PFKP: variants seen among roughly 807,000 people sequenced by gnomAD.
PFKP encodes the protein ATP-dependent 6-phosphofructokinase, platelet type.
Under a neutral mutation model 94.3 loss-of-function variants are expected in PFKP, and 101 were observed. The observed-to-expected ratio is 1.07, with a 90% confidence interval of 0.91 to 1.26. The LOEUF is 1.26. PFKP is among the 50% of genes most tolerant of loss of function. The pLI is 0.00. For synonymous variants in PFKP, 573 were observed against 432.6 expected, an observed-to-expected ratio of 1.32 and a Z score of -4.03; for missense variants, 1,145 against 1,103.3, an observed-to-expected ratio of 1.04 and a Z score of -0.53.
At chr10:3,090,539 C>A (rs1474470774) in intron 2 of PFKP, among the ~76,000 whole-genome samples, 3 of 152,128 alleles carry the variant, frequency 2.0e-5, no homozygotes, top group African/African-American at 4.8e-5. Flanking sequence ...GATGGCTCTG[C>A]ACTGAAGAGG....
rs1220111666 is a variant in PFKP, at chr10:3,121,802, TC to T, written c.1683+1759del. ...CTAGGTTAAACAATTTCTTTTTTTTTCTTTTTTTTTTTTTTTTTTTTTTTTT... is the reference window on the plus strand; with the variant it reads ...CTAGGTTAAACAATTTCTTTTTTTTTTTTTTTTTTTTTTTTTTTTTTTTTT... On this transcript the variant is annotated intron_variant, in intron 16 of 21. Coordinates refer to ENST00000381125, the MANE Select transcript of PFKP (RefSeq NM_002627.5). 4.5e-4 allele frequency among the ~76,000 whole-genome samples: 21 copies of T among 46,748 alleles called. 2 individuals are homozygous for T. Among genetic ancestry groups the T allele is most frequent in the East Asian group, 1.6e-3 (2 of 1,270 alleles). 30.7% of individuals were successfully genotyped at this position (46,748 alleles called of 152,430 possible). A position where few individuals can be genotyped will look rare whatever the true frequency, so the allele number is the denominator to read the frequency against.
At chr10:3,072,640 G>A (rs1040797582) in intron 1 of PFKP, among the ~76,000 whole-genome samples, 2 of 151,942 alleles carry the variant, frequency 1.3e-5, no homozygotes, top group Non-Finnish European at 2.9e-5. Flanking sequence ...ATGACCCTTC[G>A]AAGCTAGACA....
rs777476696 is a variant in PFKP at position 3,100,074 on chromosome 10, TGTGTGTGTGTGA to T, written c.264+723_264+734del. Among the ~76,000 whole-genome samples, 562 of 150,972 alleles carry T rather than the reference TGTGTGTGTGTGA, an allele frequency of 3.7e-3. 1 individual carries two copies. Among genetic ancestry groups the T allele is most frequent in the Middle Eastern group, 6.8e-3 (2 of 294 alleles). Reference sequence around the variant, plus strand: ...GGTGTGTGGTGTGTGTGTGTGTGTGTGTGTGTGTGTGAAAGAGAGTGAGTGAGAGAATGGGAA... The same window carrying T: ...GGTGTGTGGTGTGTGTGTGTGTGTGTAAGAGAGTGAGTGAGAGAATGGGAA... On this transcript the variant is annotated intron_variant, in intron 3 of 21. Transcript: ENST00000381125.
chr10:3,077,931 G>T (rs1832744704), intron 1 of PFKP, among the ~76,000 whole-genome samples: 1 of 152,194 alleles, frequency 6.6e-6, no homozygotes, highest in Non-Finnish European at 1.5e-5. Context: ...CCTGAAAACT[G>T]GGATTTTTGC....
intron 1 of PFKP, among the ~76,000 whole-genome samples, chr10:3,072,983 G>T: frequency 6.6e-6 from 1 of 151,876 alleles, no homozygotes. Context: ...TTGTGTTTTT[G>T]TTTATTAGAG....
intron 3 of PFKP, chr10:3,100,817 A>G: frequency 1.6e-6 from 1 of 633,272 alleles, no homozygotes; most frequent in Non-Finnish European, 2.8e-6. Context: ...AGAATTTAAG[A>G]TCCTGAAGAT....
intron 1 of PFKP, among the ~76,000 whole-genome samples, chr10:3,080,710 CAAG>C (rs10582528): frequency 0.058 from 8,814 of 151,864 alleles, 744 homozygotes; most frequent in African/African-American, 0.19. Context: ...TTTTTCTAAA[CAAG>C]AAGAATATAT....
intron 1 of PFKP, among the ~76,000 whole-genome samples, chr10:3,071,879 T>A (rs1180210220): frequency 2.0e-5 from 3 of 152,252 alleles, no homozygotes; most frequent in Non-Finnish European, 4.4e-5. Context: ...TCCTGGGCAA[T>A]GACTTATCCC....
chr10:3,116,819 A>C lies in PFKP; in HGVS notation c.1415A>C (p.Gln472Pro). The stretch of plus-strand genomic sequence containing the variant: ...ACAGATGTCGGGGGCTGGACCGGCC[A>C]AGGAGGCTCCATTCTTGGGACAAAA... ...GWTDVGGWTG[Q>P]GGSILGTKRV... is the part of the protein sequence containing the mutation. Residue 472 changes from glutamine (Q) to proline (P), a missense_variant, in exon 14 of 22, where the codon CAA becomes CCA. Gln to Pro is a moderately conservative substitution (Grantham distance 76). Around this residue, in one of 3 missense-constraint regions of PFKP, gnomAD observed 1,119 missense variants for 1,062.8 expected, o/e 1.05. Transcript: ENST00000381125. 1 of 1,613,472 alleles carries C rather than the reference A, an allele frequency of 6.2e-7. No individual in the cohort carries two copies. Among genetic ancestry groups the C allele is most frequent in the South Asian group, 1.1e-5 (1 of 91,054 alleles).
intron 17 of PFKP, among the ~76,000 whole-genome samples, chr10:3,131,427 G>A (rs1588572728): frequency 6.6e-6 from 1 of 152,138 alleles, no homozygotes; most frequent in East Asian, 1.9e-4. Context: ...AGCATGGCAA[G>A]GGCTTAAGAG....
intron 16 of PFKP, chr10:3,128,947 G>A (rs940488696): frequency 6.6e-6 from 1 of 152,350 alleles, no homozygotes; most frequent in Non-Finnish European, 1.5e-5. Flanking sequence ...GCGGGGCCGG[G>A]GATTCCCGAC....
intron 1 of PFKP, among the ~76,000 whole-genome samples, chr10:3,073,053 C>A (rs899501812): frequency 6.6e-6 from 1 of 151,908 alleles, no homozygotes; most frequent in Non-Finnish European, 1.5e-5. Context: ...CGTCTTCACC[C>A]CCAACTCCCA....
In PFKP at chr10:3,109,504, G is replaced by C. The variant is rs1314797096; in HGVS notation, c.1089+24G>C. 6 of 1,598,698 alleles carry C rather than the reference G, an allele frequency of 3.8e-6. 1 individual carries two copies. In the South Asian group the frequency reaches 4.4e-5, roughly 12 times the overall value. ...TGGTGAGTGGGCAGCCCATGGCCAA[G>C]GGCAGGGCGGAGACGGCTGGGACAG... is the stretch of plus-strand genomic sequence containing the variant. On this transcript the variant is annotated intron_variant, in intron 10 of 21. Coordinates refer to ENST00000381125, the MANE Select transcript of PFKP (RefSeq NM_002627.5).
intron 5 of PFKP, among the ~76,000 whole-genome samples, chr10:3,104,404 A>G (rs916799140): frequency 6.6e-6 from 1 of 152,226 alleles, no homozygotes; most frequent in Non-Finnish European, 1.5e-5. Flanking sequence ...TGTGGGGCGC[A>G]CCGTACAATT....
intron 2 of PFKP, among the ~76,000 whole-genome samples, chr10:3,098,126 T>C (rs115036871): frequency 0.036 from 5,553 of 152,302 alleles, 311 homozygotes; most frequent in African/African-American, 0.11. Context: ...AATTTATATA[T>C]AGAACTCCAT....
At position 3,099,208 on chromosome 10, in the gene PFKP, TTTAAG is replaced by T. The variant is rs1834753074; in HGVS notation, c.187-66_187-62del. On this transcript the variant is annotated intron_variant, in intron 2 of 21. Transcript: ENST00000381125. ...CTGTCATTTTTCCCGTTTTATATAA[TTTAAG>T]GATCACTTCCCATTTAGTGAAGTTT... 3 of 1,254,618 alleles carry T rather than the reference TTTAAG, an allele frequency of 2.4e-6. No individual in the cohort carries two copies. In the Admixed American group the frequency reaches 5.1e-5, roughly 21 times the overall value. 77.7% of individuals were successfully genotyped at this position (1,254,618 alleles called of 1,614,324 possible). A position where few individuals can be genotyped will look rare whatever the true frequency, so the allele number is the denominator to read the frequency against.
intron 17 of PFKP, among the ~76,000 whole-genome samples, chr10:3,130,476 G>C (rs538062398): frequency 6.6e-6 from 1 of 152,316 alleles, no homozygotes; most frequent in African/African-American, 2.4e-5. Context: ...GGACGACACA[G>C]CAGAATCCAG....
intron 8 of PFKP, chr10:3,107,870 A>G: frequency 7.8e-7 from 1 of 1,288,298 alleles, no homozygotes; most frequent in Non-Finnish European, 1.0e-6. Context: ...CTCTGATACC[A>G]TGGGCTGTGC....
chr10:3,079,820 G>A (rs1172383635), intron 1 of PFKP, among the ~76,000 whole-genome samples: 1 of 152,074 alleles, frequency 6.6e-6, no homozygotes, highest in Admixed American at 6.6e-5. Flanking sequence ...AGAGCTGTGC[G>A]TCCACCCTTC....
Sources: allele counts gnomAD v4.1 joint callset (sites outside exome capture counted in the v4.1 genomes callset), GRCh38; gene constraint gnomAD v4.1.1; regional missense constraint gnomAD v4.1.1; transcripts MANE v1.5; gene names NCBI Gene and HGNC (gene_info 2026-07-23, HGNC 2026-07-21).